Variants in SSUH2 observed in about 807,000 individuals in gnomAD.
SSUH2 encodes the protein protein SSUH2 homolog.
A neutral mutation model predicts 55.3 loss-of-function variants in SSUH2; 47 were observed. The observed-to-expected ratio is 0.85, with a 90% confidence interval of 0.67 to 1.08. The LOEUF is 1.08. Ranked by LOEUF, SSUH2 falls within the 50% of genes least tolerant of loss-of-function variation. The probability of loss-of-function intolerance (pLI) is 0.00; values close to 1 mark genes in which losing one functional copy is unlikely to be tolerated. For synonymous variants in SSUH2, 212 were observed against 191.5 expected, an observed-to-expected ratio of 1.11 and a Z score of -0.89; for missense variants, 535 against 490.7, an observed-to-expected ratio of 1.09 and a Z score of -0.85.
chr3:8,644,792 T>C lies in SSUH2; in HGVS notation c.-34A>G, dbSNP rs1277152419. 15 of 1,534,888 alleles carry C rather than the reference T, an allele frequency of 9.8e-6. No homozygotes were observed. Among genetic ancestry groups the C allele is most frequent in the Non-Finnish European group, 1.3e-5 (15 of 1,145,904 alleles). On this transcript the variant is annotated 5_prime_UTR_variant, in exon 1 of 12. Coordinates refer to ENST00000544814, the MANE Select transcript of SSUH2 (RefSeq NM_001256748.3). ...CGTCCTGCCAAAGAGATGTCTGCCC[T>C]TCGAGTGTGCTTGGACCGATGTGCT...
Position 8,633,815 on chromosome 3 carries a change from G to C in SSUH2, c.210-20C>G. The C allele has an allele frequency of 6.2e-7, 1 of 1,611,522 alleles. No individual in the cohort carries two copies. The highest frequency in any genetic ancestry group is 1.1e-5 in the South Asian group (1 of 91,000). On this transcript the variant is annotated intron_variant, in intron 3 of 11. Transcript: ENST00000544814. ...GGGACTCTGCAGGGGACCGAACAGA[G>C]AGGCGGGGGCTTCTGGGAAGGGCCT...
rs1424637147 is a variant in SSUH2 at position 8,633,775 on chromosome 3, T to A, written c.230A>T (p.Glu77Val). ...GCTGAGGAGGGCTTCCCGGGCCACC[T>A]CCTCCGTCATCGCAGGGACTCTGCA... ...LEHRVPAMTE[E>V]VAREALLSFV... is the part of the protein sequence containing the mutation. Residue 77 changes from glutamate to valine, a missense_variant, in exon 4 of 12, where the codon GAG (glutamate) becomes GTG (valine). Glu to Val is a moderately radical substitution (Grantham distance 121). Coordinates refer to ENST00000544814, the MANE Select transcript of SSUH2 (RefSeq NM_001256748.3). 1 of 1,611,938 alleles carries A rather than the reference T, an allele frequency of 6.2e-7. No individual in the cohort carries two copies. Among genetic ancestry groups the A allele is most frequent in the African/African-American group, 1.3e-5 (1 of 74,956 alleles).
chr3:8,632,980 G>A (rs1475555344), intron 4 of SSUH2, among the ~76,000 whole-genome samples: 1 of 152,068 alleles, frequency 6.6e-6, no homozygotes, highest in African/African-American at 2.4e-5. Flanking sequence ...CATCTTCTTG[G>A]GAAAATCACT....
Position 8,630,828 on chromosome 3 carries a change from C to A in SSUH2, c.502G>T (p.Val168Phe). The A allele has an allele frequency of 6.7e-7, 1 of 1,492,010 alleles. No individual in the cohort carries two copies. The highest frequency in any genetic ancestry group is 8.9e-7 in the Non-Finnish European group (1 of 1,120,622). 92.4% of individuals were successfully genotyped at this position (1,492,010 alleles called of 1,614,324 possible). A position where few individuals can be genotyped will look rare whatever the true frequency, so the allele number is the denominator to read the frequency against. ...MFQEDTRKFQ[V>F]PHSSLVKECH... Reference sequence around the variant, plus strand: ...ACCTTGACCAGTGACGAGTGAGGGACCTGGAACTTCCTGGTGTCTTCCTGA... The same window carrying A: ...ACCTTGACCAGTGACGAGTGAGGGAACTGGAACTTCCTGGTGTCTTCCTGA... The change falls in exon 6 of 12, where the codon GTC (valine) becomes TTC (phenylalanine). Residue 168 changes from valine (V) to phenylalanine (F), a missense_variant. By Grantham distance (50) the Val-to-Phe change is conservative (BLOSUM62 -1). Coordinates refer to ENST00000544814, the MANE Select transcript of SSUH2 (RefSeq NM_001256748.3).
chr3:8,625,149 G>C (rs138840047), intron 10 of SSUH2, among the ~76,000 whole-genome samples: 1 of 151,918 alleles, frequency 6.6e-6, no homozygotes, highest in African/African-American at 2.4e-5. Context: ...TATTTGCCAT[G>C]GTCTACCCAG....
At chr3:8,649,365 CCT>C (rs1365210568), upstream of SSUH2, among the ~76,000 whole-genome samples, 1 of 152,172 alleles carries the variant, frequency 6.6e-6, no homozygotes, top group Non-Finnish European at 1.5e-5. Flanking sequence ...GCTCCTCTCC[CCT>C]GATCTCTAAA....
chr3:8,620,740 G>A (rs1370916782), intron 11 of SSUH2, among the ~76,000 whole-genome samples: 2 of 152,208 alleles, frequency 1.3e-5, no homozygotes, highest in Admixed American at 6.5e-5. Context: ...GAGTGCTGGG[G>A]GGCAGTGGAG....
chr3:8,640,728 A>G (rs1482727617), intron 1 of SSUH2, among the ~76,000 whole-genome samples: 1 of 152,194 alleles, frequency 6.6e-6, no homozygotes, highest in Non-Finnish European at 1.5e-5. Context: ...GCCATTGAAA[A>G]AATATTTGGG....
chr3:8,676,943 C>T (rs9856506), intron 3 of SSUH2, among the ~76,000 whole-genome samples: 2 of 130,932 alleles, frequency 1.5e-5, no homozygotes, highest in Non-Finnish European at 3.3e-5. Context: ...CCCCATAGTA[C>T]GGGGGGAAGG....
At chr3:8,629,821 A>G in intron 6 of SSUH2, 95 bp from the exon 7 acceptor site, 3 of 1,207,076 alleles carry the variant, frequency 2.5e-6, no homozygotes, top group Non-Finnish European at 3.7e-6. Flanking sequence ...GGAGTGGATC[A>G]GGACCAGGAT....
chr3:8,633,969 C>T, intron 3 of SSUH2, 174 bp from the exon 4 acceptor site: 1 of 1,610,946 alleles, frequency 6.2e-7, no homozygotes, highest in South Asian at 1.1e-5. Context: ...TGAACGGGTG[C>T]CCAGCGTGAG....
chr3:8,654,678 A>G (rs1487281423), intron 7 of SSUH2, among the ~76,000 whole-genome samples: 1 of 152,012 alleles, frequency 6.6e-6, no homozygotes, highest in Non-Finnish European at 1.5e-5. Flanking sequence ...TGTCCTCCCC[A>G]AGGTCTCAGT....
At chr3:8,659,633 T>C (rs1010620572) in intron 6 of SSUH2, 50 of 348,098 alleles carry the variant, frequency 1.4e-4, no homozygotes, top group African/African-American at 1.0e-3. Flanking sequence ...CGTGCTTCTG[T>C]GTGTCTGCTC....
intron 3 of SSUH2, among the ~76,000 whole-genome samples, chr3:8,674,902 G>T (rs1437324323): frequency 6.6e-6 from 1 of 152,146 alleles, no homozygotes; most frequent in East Asian, 1.9e-4. Flanking sequence ...GGATTGGCCA[G>T]TTAAGACTGC....
At chr3:8,633,873 C>T (rs749480428) in intron 3 of SSUH2, 78 bp from the exon 4 acceptor site, 26 of 1,613,880 alleles carry the variant, frequency 1.6e-5, no homozygotes, top group African/African-American at 1.5e-4. Flanking sequence ...GCCTCCTCAA[C>T]GTGCAGGCGA....
At chr3:8,634,982 C>T (rs1430733218) in intron 3 of SSUH2, among the ~76,000 whole-genome samples, 2 of 152,226 alleles carry the variant, frequency 1.3e-5, no homozygotes, top group Non-Finnish European at 2.9e-5. Context: ...AGAGACAATA[C>T]ACAGCCAATT....
At chr3:8,635,176 C>T in intron 3 of SSUH2, 124 bp downstream of exon 3, 1 of 703,510 alleles carries the variant, frequency 1.4e-6, no homozygotes, top group Non-Finnish European at 2.3e-6. Flanking sequence ...GGATCTGGTG[C>T]AGTAGGTCTG....
In SSUH2 at chr3:8,630,434, G is replaced by A. The variant is rs149075254; in HGVS notation, c.525+371C>T. Among the ~76,000 whole-genome samples the A allele has an allele frequency of 2.9e-3, 434 of 152,278 alleles. 2 individuals are homozygous for A. Among genetic ancestry groups the A allele is most frequent in the African/African-American group, 9.8e-3 (408 of 41,554 alleles). ...GACTCTCATGCAAAATCCCAGCAGG[G>A]TTTTAAGTTTTTATTTTATATCAAT... On this transcript the variant is annotated intron_variant, in intron 6 of 11. Coordinates refer to ENST00000544814, the MANE Select transcript of SSUH2 (RefSeq NM_001256748.3).
At chr3:8,661,909 G>A (rs1277637193) in intron 6 of SSUH2, among the ~76,000 whole-genome samples, 1 of 152,158 alleles carries the variant, frequency 6.6e-6, no homozygotes, top group Non-Finnish European at 1.5e-5. Context: ...TATTTTTCTT[G>A]TGGTAGTGGA....
Sources: allele counts gnomAD v4.1 joint callset (sites outside exome capture counted in the v4.1 genomes callset), GRCh38; gene constraint gnomAD v4.1.1; transcripts MANE v1.5; gene names NCBI Gene and HGNC (gene_info 2026-07-23, HGNC 2026-07-21).